Variants in OR2AK2 observed in about 807,000 individuals in gnomAD.
OR2AK2 encodes the protein olfactory receptor family 2 subfamily AK member 2, also known as olfactory receptor 2AK2.
For synonymous variants in OR2AK2, 139 were observed against 147.2 expected, an observed-to-expected ratio of 0.94 and a Z score of 0.40; for missense variants, 392 against 384.1, an observed-to-expected ratio of 1.02 and a Z score of -0.17.
At chr1:247,965,717 T>C in exon 1 of OR2AK2, 1 of 1,555,862 alleles carries the variant, frequency 6.4e-7, no homozygotes, top group Non-Finnish European at 8.7e-7. Context: ...GAAGCCCTTC[T>C]CCTTGGTTTT....
At chr1:247,965,295 C>T (rs761164383) in exon 1 of OR2AK2, 31 of 1,430,326 alleles carry the variant, frequency 2.2e-5, no homozygotes, top group Non-Finnish European at 2.8e-5. Context: ...AATGCCATGT[C>T]ATTTTACTTT....
chr1:247,966,381 T>A, exon 1 of OR2AK2: 1 of 1,538,608 alleles, frequency 6.5e-7, no homozygotes, highest in Non-Finnish European at 8.8e-7. Flanking sequence ...GAAAACTATC[T>A]GGAAAGATAT....
chr1:247,966,349 A>G, exon 1 of OR2AK2: 2 of 1,595,634 alleles, frequency 1.3e-6, no homozygotes, highest in Non-Finnish European at 1.7e-6. Context: ...ATTGAGCATT[A>G]ACAACATAAA....
At chr1:247,966,351 C>T in exon 1 of OR2AK2, 1 of 1,594,360 alleles carries the variant, frequency 6.3e-7, no homozygotes, top group Non-Finnish European at 8.5e-7. Flanking sequence ...TGAGCATTAA[C>T]AACATAAAAA....
Position 247,965,681 on chromosome 1 carries a change from A to T in OR2AK2, c.305A>T (p.Tyr102Phe), listed in dbSNP as rs77989939. 1.0e-3 allele frequency: 1,614 copies of T among 1,552,368 alleles called. 11 individuals carry two copies. In the African/African-American group the frequency reaches 0.017, roughly 17 times the overall value. ...TTTTTGGGCTGTGAGATTCAAACGTATGTGTTCTTGGCCCTTGGTGGAACT... is the reference window on the plus strand; with the variant it reads ...TTTTTGGGCTGTGAGATTCAAACGTTTGTGTTCTTGGCCCTTGGTGGAACT... Residue 102 changes from tyrosine to phenylalanine, a missense_variant, in exon 1 of 1, where the codon TAT (tyrosine) becomes TTT (phenylalanine). Coordinates refer to ENST00000366480, the Ensembl canonical transcript of OR2AK2.
chr1:247,966,229 C>G, exon 1 of OR2AK2: 1 of 1,613,392 alleles, frequency 6.2e-7, no homozygotes, highest in Non-Finnish European at 8.5e-7. Flanking sequence ...CACACCTCTA[C>G]TGAACCCATT....
rs1558161927 is a variant in OR2AK2, at chr1:247,965,262, A to G, written c.-115A>G. The G allele has an allele frequency of 2.3e-6, 3 of 1,279,574 alleles. No homozygotes were observed. Among genetic ancestry groups the G allele is most frequent in the South Asian group, 3.2e-5 (2 of 63,214 alleles). The allele number at this position is 1,279,574 out of a possible 1,614,324, so 79.3% of individuals were successfully genotyped here. Reference sequence around the variant, plus strand: ...CTAAACATGTAGATAGTTGCCAAACATGTAAGTGAATATTTATTTCTGAAT... The same window carrying G: ...CTAAACATGTAGATAGTTGCCAAACGTGTAAGTGAATATTTATTTCTGAAT... On this transcript the variant is annotated 5_prime_UTR_variant, in exon 1 of 1. An upstream start codon of the reference 5' UTR is lost. Coordinates refer to ENST00000366480, the Ensembl canonical transcript of OR2AK2.
exon 1 of OR2AK2, chr1:247,966,200 C>T: frequency 6.2e-7 from 1 of 1,613,704 alleles, no homozygotes; most frequent in East Asian, 2.2e-5. Context: ...AAGGCGGTGG[C>T]AGTATTTTAC....
At chr1:247,965,854 A>G (rs146627411) in exon 1 of OR2AK2, 4 of 1,613,756 alleles carry the variant, frequency 2.5e-6, no homozygotes, top group Non-Finnish European at 3.4e-6. Context: ...TTTCATACAT[A>G]CATTGTATGT....
rs918639513 is a variant in OR2AK2, at chr1:247,965,339, T to C, written c.-38T>C. On this transcript the variant is annotated 5_prime_UTR_variant, in exon 1 of 1. Coordinates refer to ENST00000366480, the Ensembl canonical transcript of OR2AK2. Reference sequence around the variant, plus strand: ...GGAAGTCAACATTATTACATGAACATTTCAGATGTCATCTCCTTTGATATT... The same window carrying C: ...GGAAGTCAACATTATTACATGAACACTTCAGATGTCATCTCCTTTGATATT... 8.9e-6 allele frequency: 14 copies of C among 1,575,700 alleles called. No individual in the cohort carries two copies. Among genetic ancestry groups the C allele is most frequent in the Non-Finnish European group, 1.2e-5 (14 of 1,163,136 alleles).
At position 247,965,951 on chromosome 1, in the gene OR2AK2, C is replaced by T. The variant is rs761295580; in HGVS notation, c.575C>T (p.Thr192Ile). ...CTACTATCATTGGTGTGTCAGGACA[C>T]CTCCCAGTATGAGTATACAGTCCTC... Residue 192 changes from threonine (T) to isoleucine (I), a missense_variant, in exon 1 of 1, where the codon ACC becomes ATC. By Grantham distance (89) the Thr-to-Ile change is moderately conservative. Coordinates refer to ENST00000366480, the Ensembl canonical transcript of OR2AK2. 62 of 1,608,516 alleles carry T rather than the reference C, an allele frequency of 3.9e-5. No individual in the cohort carries two copies. Among genetic ancestry groups the T allele is most frequent in the Non-Finnish European group, 5.0e-5 (59 of 1,177,040 alleles).
At position 247,966,006 on chromosome 1, in the gene OR2AK2, AT is replaced by A. The variant is rs778494288; in HGVS notation, c.632del (p.Phe211SerfsTer2). On this transcript the variant is annotated frameshift_variant, in exon 1 of 1. Transcript: ENST00000366480. LOFTEE classifies it low-confidence loss of function (END_TRUNC). Reference sequence around the variant, plus strand: ...GTGGACTTATTATCTTGCTACTACCATTCCTAGCCATTCTGGCTTCCTATGC... The same window carrying A: ...GTGGACTTATTATCTTGCTACTACCATCCTAGCCATTCTGGCTTCCTATGC... 6 of 1,613,134 alleles carry A rather than the reference AT, an allele frequency of 3.7e-6. No individual in the cohort carries two copies. Among genetic ancestry groups the A allele is most frequent in the African/African-American group, 2.7e-5 (2 of 74,916 alleles).
chr1:247,965,615 AGATGG>A lies in OR2AK2; in HGVS notation c.240_244del (p.Lys80AsnfsTer9), dbSNP rs1314588230. ...ATGTACATCTCCACCACAGTGCCCA[AGATGG>A]CAGTCAGCTTCCTCTCACAGAGTAA... On this transcript the variant is annotated frameshift_variant, in exon 1 of 1. Coordinates refer to ENST00000366480, the Ensembl canonical transcript of OR2AK2. LOFTEE classifies it low-confidence loss of function (END_TRUNC). The A allele has an allele frequency of 1.9e-6, 3 of 1,560,100 alleles. No homozygotes were observed. The African/African-American group carries it at 4.1e-5, about 21-fold the overall frequency.
Position 247,965,744 on chromosome 1 carries a change from A to G in OR2AK2, c.368A>G (p.Tyr123Cys), listed in dbSNP as rs368376732. Residue 123 changes from tyrosine to cysteine, a missense_variant, in exon 1 of 1, where the codon TAT becomes TGT. Coordinates refer to ENST00000366480, the Ensembl canonical transcript of OR2AK2. ...CTTGGTTTTATGTCTTATGATCGCTATGTAGCTATCTGTCACCCTTTACAT... is the reference window on the plus strand; with the variant it reads ...CTTGGTTTTATGTCTTATGATCGCTGTGTAGCTATCTGTCACCCTTTACAT... 43 of 1,568,642 alleles carry G rather than the reference A, an allele frequency of 2.7e-5. No homozygotes were observed. The highest frequency in any genetic ancestry group is 3.6e-5 in the Non-Finnish European group (42 of 1,157,744).
At chr1:247,965,644 A>C in exon 1 of OR2AK2, 1 of 1,550,658 alleles carries the variant, frequency 6.4e-7, no homozygotes. Context: ...CTCACAGAGT[A>C]AGACCATTAG....
chr1:247,965,319 T>A lies in OR2AK2; in HGVS notation c.-58T>A, dbSNP rs1258486692. ...TCATTTTACTTTCTCTTAAGGGAAG[T>A]CAACATTATTACATGAACATTTCAG... On this transcript the variant is annotated 5_prime_UTR_variant, in exon 1 of 1. Transcript: ENST00000366480. 2.0e-6 allele frequency: 3 copies of A among 1,521,282 alleles called. No homozygotes were observed. The African/African-American group carries it at 4.2e-5, about 21-fold the overall frequency. 94.2% of individuals were successfully genotyped at this position (1,521,282 alleles called of 1,614,324 possible). A position where few individuals can be genotyped will look rare whatever the true frequency, so the allele number is the denominator to read the frequency against.
chr1:247,966,194 C>T (rs756696155), exon 1 of OR2AK2: 40 of 1,613,684 alleles, frequency 2.5e-5, no homozygotes, highest in South Asian at 7.7e-5. Flanking sequence ...CGGGATAAGG[C>T]GGTGGCAGTA....
exon 1 of OR2AK2, chr1:247,965,527 C>T (rs1660946928): frequency 6.2e-7 from 1 of 1,613,088 alleles, no homozygotes; most frequent in African/African-American, 1.3e-5. Flanking sequence ...CCTCATTCGA[C>T]TGAACACCAG....
exon 1 of OR2AK2, chr1:247,965,466 C>T: frequency 1.2e-6 from 2 of 1,613,880 alleles, no homozygotes; most frequent in Non-Finnish European, 1.7e-6. Flanking sequence ...TCTTTGTCGT[C>T]ATTGCCACCC....
Sources: gnomAD v4.1 joint callset for allele counts on GRCh38, gnomAD v4.1.1 for gene constraint, MANE v1.5 for transcripts, NCBI Gene and HGNC (gene_info 2026-07-23, HGNC 2026-07-21) for gene names.